Variants in MACROD2 observed in about 807,000 individuals in gnomAD.
MACROD2 encodes the protein ADP-ribose glycohydrolase MACROD2.
In MACROD2, 36 loss-of-function variants were observed where a neutral mutation model predicts 70.4. The observed-to-expected ratio is 0.51, with a 90% CI of 0.39 to 0.68. The LOEUF (loss-of-function observed/expected upper bound fraction) is 0.68, where lower values mean the gene tolerates loss of function less well. Ranked by LOEUF, MACROD2 falls within the 30% of genes least tolerant of loss-of-function variation. MACROD2 has a pLI of 0.00. For synonymous variants in MACROD2, 172 were observed against 178.8 expected (o/e 0.96, Z 0.30); for missense variants, 496 against 538.4 (o/e 0.92, Z 0.78).
intron 5 of MACROD2, among the ~76,000 whole-genome samples, chr20:15,130,484 A>T (rs939494590): frequency 2.0e-5 from 3 of 152,016 alleles, no homozygotes; most frequent in Non-Finnish European, 4.4e-5. Context: ...ACTGTGGAGA[A>T]GCTAATGAGG....
chr20:14,387,810 G>A (rs1366438048), intron 3 of MACROD2, among the ~76,000 whole-genome samples: 1 of 152,152 alleles, frequency 6.6e-6, no homozygotes. Context: ...CATGTTGCAA[G>A]TGTCTCACCA....
At chr20:15,015,059 A>G (rs2075111114) in intron 5 of MACROD2, among the ~76,000 whole-genome samples, 1 of 152,272 alleles carries the variant, frequency 6.6e-6, no homozygotes, top group South Asian at 2.1e-4. Flanking sequence ...AGAATGGATC[A>G]GGATGTCCCA....
intron 6 of MACROD2, among the ~76,000 whole-genome samples, chr20:15,237,246 G>T (rs2077021670): frequency 6.6e-6 from 1 of 152,140 alleles, no homozygotes; most frequent in African/African-American, 2.4e-5. Context: ...CTTGTACTTA[G>T]TTTGCTTAGA....
rs1358878411 is a variant in MACROD2, at chr20:15,166,603, A to G, written c.419-63337A>G. Among the ~76,000 whole-genome samples the G allele has an allele frequency of 2.6e-5, 4 of 152,244 alleles. No individual in the cohort carries two copies. The East Asian group carries it at 7.7e-4, about 29-fold the overall frequency. ...AGGAGACAAAGTATAAGATCATCTC[A>G]ATAGAAACAAAAAAAAAGTATAAAA... On this transcript the variant is annotated intron_variant, in intron 5 of 17. Transcript: ENST00000684519.
At chr20:14,696,155 G>T (rs77433890) in intron 5 of MACROD2, among the ~76,000 whole-genome samples, 2,516 of 152,202 alleles carry the variant, frequency 0.017, 73 homozygotes, top group African/African-American at 0.056. Flanking sequence ...AAACTATTAT[G>T]AACGAAAACT....
intron 4 of MACROD2, among the ~76,000 whole-genome samples, chr20:14,539,131 A>T (rs73612367): frequency 0.11 from 16,223 of 152,136 alleles, 1,198 homozygotes; most frequent in South Asian, 0.33. Context: ...AGAAATCAAG[A>T]CCTTTCTCTG....
intron 3 of MACROD2, among the ~76,000 whole-genome samples, chr20:14,461,405 GT>G (rs2084369637): frequency 6.6e-6 from 1 of 151,704 alleles, no homozygotes; most frequent in Admixed American, 6.6e-5. Context: ...TTTTTGAAGA[GT>G]TTTTCTTGTC....
chr20:15,543,402 G>T (rs1484168228), intron 8 of MACROD2, among the ~76,000 whole-genome samples: 2 of 152,146 alleles, frequency 1.3e-5, no homozygotes, highest in Non-Finnish European at 2.9e-5. Flanking sequence ...ATAAACTCTA[G>T]TTATTGTTAT....
intron 5 of MACROD2, among the ~76,000 whole-genome samples, chr20:15,031,703 G>A (rs2075275825): frequency 6.6e-6 from 1 of 152,138 alleles, no homozygotes; most frequent in Non-Finnish European, 1.5e-5. Context: ...GTGTTTTTAT[G>A]GGCTCAGAAG....
intron 8 of MACROD2, among the ~76,000 whole-genome samples, chr20:15,757,702 C>T (rs1235554439): frequency 6.6e-6 from 1 of 152,084 alleles, no homozygotes; most frequent in Non-Finnish European, 1.5e-5. Context: ...CTGGTGAGGA[C>T]CCTCTTTCTC....
At chr20:14,476,003 A>G (rs2084590254) in intron 3 of MACROD2, among the ~76,000 whole-genome samples, 1 of 152,160 alleles carries the variant, frequency 6.6e-6, no homozygotes. Context: ...CCATGCCTCT[A>G]TATAAATGAA....
At chr20:15,200,700 A>C (rs2076648503) in intron 5 of MACROD2, among the ~76,000 whole-genome samples, 1 of 152,174 alleles carries the variant, frequency 6.6e-6, no homozygotes, top group African/African-American at 2.4e-5. Flanking sequence ...AATCTATGAG[A>C]TTTCACTATA....
rs192735919 is a variant in MACROD2 at position 14,761,744 on chromosome 20, G to A, written c.418+76785G>A. On this transcript the variant is annotated intron_variant, in intron 5 of 17. Transcript: ENST00000684519. ...GTTTCCATTTGACAGAGCTGTAGATGAGCTTACTCTGAAAACACACTACTT... is the reference window on the plus strand; with the variant it reads ...GTTTCCATTTGACAGAGCTGTAGATAAGCTTACTCTGAAAACACACTACTT... 4.2e-4 allele frequency among the ~76,000 whole-genome samples: 64 copies of A among 152,152 alleles called. 1 individual carries two copies. The highest frequency in any genetic ancestry group is 2.1e-3 in the Admixed American group (32 of 15,294).
chr20:14,657,649 A>G (rs550293614), intron 4 of MACROD2, among the ~76,000 whole-genome samples: 226 of 152,362 alleles, frequency 1.5e-3, no homozygotes, highest in Non-Finnish European at 2.5e-3. Context: ...AGCTGTGATA[A>G]GAAAACCTTA....
intron 10 of MACROD2, among the ~76,000 whole-genome samples, chr20:15,915,636 A>T (rs1601123747): frequency 6.6e-6 from 1 of 152,122 alleles, no homozygotes; most frequent in South Asian, 2.1e-4. Flanking sequence ...AAGAAATCAC[A>T]TTTCACACCC....
intron 8 of MACROD2, among the ~76,000 whole-genome samples, chr20:15,791,445 T>TA (rs551901816): frequency 1.4e-4 from 21 of 149,312 alleles, no homozygotes; most frequent in South Asian, 2.1e-4. Context: ...TGGGCAATTT[T>TA]AAAAAAAAAA....
At chr20:15,923,259 A>C (rs2065438601) in intron 10 of MACROD2, among the ~76,000 whole-genome samples, 2 of 152,194 alleles carry the variant, frequency 1.3e-5, no homozygotes, top group South Asian at 4.1e-4. Context: ...GAGGCCTCAG[A>C]CTCATGGCGG....
rs565577740 is a variant in MACROD2 at position 15,363,301 on chromosome 20, A to G, written c.541-68104A>G. 5.3e-5 allele frequency among the ~76,000 whole-genome samples: 8 copies of G among 152,360 alleles called. No homozygotes were observed. The East Asian group carries it at 1.2e-3, about 22-fold the overall frequency. On this transcript the variant is annotated intron_variant, in intron 6 of 17. Coordinates refer to ENST00000684519, the MANE Select transcript of MACROD2 (RefSeq NM_001351661.2). ...CTGTTAAAAAATCTAGGAGTCTCCA[A>G]TTCAGCAGTCTGTTAAATAGACAAG...
chr20:15,013,086 G>C (rs1454065507), intron 5 of MACROD2, among the ~76,000 whole-genome samples: 1 of 152,098 alleles, frequency 6.6e-6, no homozygotes, highest in Admixed American at 6.6e-5. Context: ...GCTGTCCAGG[G>C]TCTACTCATC....
Sources: gnomAD v4.1 joint callset for allele counts (sites outside exome capture counted in the v4.1 genomes callset) on GRCh38, gnomAD v4.1.1 for gene constraint, MANE v1.5 for transcripts, NCBI Gene and HGNC (gene_info 2026-07-23, HGNC 2026-07-21) for gene names.